TNS1: variants seen among roughly 807,000 people sequenced by gnomAD.
TNS1 encodes tensin-1.
TNS1 carries 62 observed loss-of-function variants against 168.6 expected under a neutral mutation model. That is an observed-to-expected ratio of 0.37 (90% CI 0.30 to 0.45). The LOEUF (loss-of-function observed/expected upper bound fraction) is 0.45. Among genes scored for constraint, TNS1 ranks in the 20% least tolerant of loss-of-function variants. The pLI is 1.00. For missense variants in TNS1, 2,240 were observed against 2,339.4 expected, an observed-to-expected ratio of 0.96 and a Z score of 0.88; for synonymous variants, 934 against 933.2, an observed-to-expected ratio of 1.00 and a Z score of -0.02.
At position 217,810,135 on chromosome 2, in the gene TNS1, C is replaced by A. The variant is rs186480573; in HGVS notation, c.5104+113G>T. ...CATCTGCACATAGAAATGTGATCTT[C>A]CCAGAGACATTTGGGCCTGGAGAGA... On this transcript the variant is annotated intron_variant, in intron 29 of 32. Coordinates refer to ENST00000682258, the MANE Select transcript of TNS1 (RefSeq NM_001387777.1). The A allele has an allele frequency of 4.0e-5, 58 of 1,448,116 alleles. No homozygotes were observed. The Middle Eastern group carries it at 1.7e-3, about 42-fold the overall frequency. The allele number at this position is 1,448,116 out of a possible 1,614,324, so 89.7% of individuals were successfully genotyped here.
At chr2:217,908,214 A>C (rs1953933541) in intron 4 of TNS1, among the ~76,000 whole-genome samples, 1 of 151,984 alleles carries the variant, frequency 6.6e-6, no homozygotes, top group Admixed American at 6.5e-5. Context: ...CCCATCCCTC[A>C]CTCTGGCACC....
intron 12 of TNS1, among the ~76,000 whole-genome samples, chr2:217,888,398 G>A (rs1951417381): frequency 6.6e-6 from 1 of 152,136 alleles, no homozygotes. Context: ...CCACATCTGG[G>A]CTCAGAGAGG....
intron 19 of TNS1, among the ~76,000 whole-genome samples, chr2:217,843,801 G>A (rs1364639): frequency 0.4 from 60,882 of 151,828 alleles, 13,193 homozygotes; most frequent in African/African-American, 0.59. Flanking sequence ...CTCCCTTCAT[G>A]GCCATTCCAT....
intron 3 of TNS1, among the ~76,000 whole-genome samples, chr2:217,947,013 A>C (rs1234999645): frequency 6.9e-6 from 1 of 145,374 alleles, no homozygotes; most frequent in African/African-American, 2.7e-5. Context: ...CTGCTCTCTG[A>C]ACAAGTCTGC....
chr2:217,892,910 C>G (rs954196626), intron 11 of TNS1, 38 bp downstream of exon 11: 10 of 1,608,164 alleles, frequency 6.2e-6, no homozygotes, highest in Non-Finnish European at 8.5e-6. Context: ...GTCACACTGT[C>G]GATGTTCAGA....
intron 3 of TNS1, among the ~76,000 whole-genome samples, chr2:217,941,264 C>T (rs976181898): frequency 6.6e-6 from 1 of 152,226 alleles, no homozygotes; most frequent in African/African-American, 2.4e-5. Context: ...TGCACACCAG[C>T]CCCAGAGCCC....
At chr2:217,890,882 C>T in intron 12 of TNS1, 80 bp downstream of exon 12, 1 of 1,451,704 alleles carries the variant, frequency 6.9e-7, no homozygotes, top group Admixed American at 1.7e-5. Context: ...CTATCCCATC[C>T]CTGTGAGTAC....
At position 217,898,515 on chromosome 2, in the gene TNS1, C is replaced by T. The variant is rs553444480; in HGVS notation, c.372-546G>A. Among the ~76,000 whole-genome samples the T allele has an allele frequency of 3.0e-4, 46 of 152,366 alleles. No homozygotes were observed. In the South Asian group the frequency reaches 8.3e-3, roughly 27 times the overall value. ...AGGGGAGGGGGCATCTCAGGTGACA[C>T]GTTCACCTGGGTTCCAGGTAAGCCA... is the stretch of plus-strand genomic sequence containing the variant. On this transcript the variant is annotated intron_variant, in intron 7 of 32. Coordinates refer to ENST00000682258, the MANE Select transcript of TNS1 (RefSeq NM_001387777.1).
intron 3 of TNS1, among the ~76,000 whole-genome samples, chr2:217,942,816 C>T (rs1368231097): frequency 2.6e-5 from 4 of 152,102 alleles, no homozygotes; most frequent in Non-Finnish European, 5.9e-5. Flanking sequence ...CCACCCAGCA[C>T]CCATCCTATC....
At chr2:217,852,189 G>T (rs1176205092) in intron 18 of TNS1, among the ~76,000 whole-genome samples, 1 of 152,202 alleles carries the variant, frequency 6.6e-6, no homozygotes, top group Non-Finnish European at 1.5e-5. Context: ...AGGGGGCAAA[G>T]CACTGAAGAC....
intron 18 of TNS1, among the ~76,000 whole-genome samples, chr2:217,873,336 T>C (rs891319297): frequency 3.9e-5 from 6 of 152,272 alleles, no homozygotes; most frequent in African/African-American, 1.4e-4. Context: ...AGAGGAATTG[T>C]GGAGAGCACG....
intron 3 of TNS1, among the ~76,000 whole-genome samples, chr2:217,954,580 G>A (rs1559385982): frequency 6.6e-6 from 1 of 152,180 alleles, no homozygotes; most frequent in Non-Finnish European, 1.5e-5. Context: ...GCTAGGGAGT[G>A]ATCAAGGCAG....
At chr2:217,806,605 T>A (rs972229) in intron 32 of TNS1, among the ~76,000 whole-genome samples, 49 of 152,160 alleles carry the variant, frequency 3.2e-4, no homozygotes, top group African/African-American at 1.1e-3. Context: ...GCCTGCTGCC[T>A]TGGCCAGCAG....
intron 19 of TNS1, among the ~76,000 whole-genome samples, chr2:217,846,050 G>C (rs1056121327): frequency 2.0e-5 from 3 of 152,126 alleles, no homozygotes; most frequent in African/African-American, 7.2e-5. Flanking sequence ...AGCCAGGGGG[G>C]TATCTTTATC....
intron 5 of TNS1, 103 bp downstream of exon 5, chr2:217,907,107 A>G (rs547425723): frequency 4.9e-5 from 33 of 670,864 alleles, no homozygotes. Flanking sequence ...GCATTTCCCC[A>G]ACCACATCTG....
intron 4 of TNS1, among the ~76,000 whole-genome samples, chr2:217,907,516 C>T (rs1953855086): frequency 6.6e-6 from 1 of 152,230 alleles, no homozygotes; most frequent in South Asian, 2.1e-4. Flanking sequence ...CGCCAGGCCT[C>T]TGGTTCATAC....
At chr2:217,812,331 G>A (rs1941069562) in intron 28 of TNS1, 37 bp downstream of exon 28, 1 of 1,579,324 alleles carries the variant, frequency 6.3e-7, no homozygotes, top group Non-Finnish European at 8.7e-7. Context: ...GCCAGCTCAA[G>A]GGTGTGGGTG....
chr2:218,016,697 A>G (rs775659086), intron 1 of TNS1, among the ~76,000 whole-genome samples: 2 of 152,206 alleles, frequency 1.3e-5, no homozygotes, highest in African/African-American at 2.4e-5. Context: ...GGACAGGAGG[A>G]AGGGAATGGA....
chr2:218,004,267 T>C (rs1224659709), upstream of TNS1, among the ~76,000 whole-genome samples: 7 of 152,356 alleles, frequency 4.6e-5, no homozygotes, highest in East Asian at 1.2e-3. Flanking sequence ...GTTCCTAGAC[T>C]GAGTCACTTA....
Sources: gnomAD v4.1 joint callset for allele counts (sites outside exome capture counted in the v4.1 genomes callset) on GRCh38, gnomAD v4.1.1 for gene constraint, MANE v1.5 for transcripts, NCBI Gene and HGNC (gene_info 2026-07-23, HGNC 2026-07-21) for gene names.